Variants in CALR3 observed in about 807,000 individuals in gnomAD.
CALR3 encodes calreticulin-3.
CALR3 carries 39 observed loss-of-function variants against 48.7 expected under a neutral mutation model. The observed-to-expected ratio is 0.80, with a 90% CI of 0.62 to 1.05. CALR3 has a LOEUF of 1.05. CALR3 is among the 50% of genes least tolerant of loss of function. The pLI, the probability that CALR3 is intolerant of heterozygous loss-of-function variation, is 0.00. For synonymous variants in CALR3, 185 were observed against 172.7 expected, an observed-to-expected ratio of 1.07 and a Z score of -0.56; for missense variants, 449 against 474.7, an observed-to-expected ratio of 0.95 and a Z score of 0.50.
chr19:16,489,607 G>A (rs1236509481), intron 3 of CALR3, among the ~76,000 whole-genome samples: 6 of 126,976 alleles, frequency 4.7e-5, no homozygotes, highest in African/African-American at 1.5e-4. Flanking sequence ...CAACAAGAGC[G>A]AAACTCTGTC....
Position 16,485,225 on chromosome 19 carries a change from C to A in CALR3, c.430G>T (p.Val144Phe), listed in dbSNP as rs1271240341. The change falls in exon 4 of 9, where the codon GTT becomes TTT. Residue 144 changes from valine to phenylalanine, a missense_variant. Physicochemically the swap from Val to Phe is conservative, Grantham distance 50. Transcript: ENST00000269881. ...TTCTTGAAATGTAAAATAACATGAA[C>A]TTTCTTGATATCAAATCCACAAATA... The part of the protein sequence containing the change: ...PDICGFDIKK[V>F]HVILHFKNKY... The A allele has an allele frequency of 6.2e-7, 1 of 1,610,144 alleles. No homozygotes were observed. The highest frequency in any genetic ancestry group is 8.5e-7 in the Non-Finnish European group (1 of 1,176,656).
At chr19:16,483,275 C>T (rs2093383859) in intron 5 of CALR3, among the ~76,000 whole-genome samples, 2 of 152,136 alleles carry the variant, frequency 1.3e-5, no homozygotes, top group South Asian at 4.1e-4. Context: ...TGCTTCCAAT[C>T]CCACTGAGGA....
chr19:16,479,980 A>G (rs189913822), intron 8 of CALR3, among the ~76,000 whole-genome samples: 309 of 148,666 alleles, frequency 2.1e-3, no homozygotes, highest in Non-Finnish European at 3.6e-3. Flanking sequence ...CGAGGCAGGC[A>G]GATCATGAGG....
rs1247489343 is a variant in CALR3 at position 16,482,535 on chromosome 19, C to T, written c.833G>A (p.Arg278His). The change falls in exon 7 of 9, where the codon CGT (arginine) becomes CAT (histidine). Residue 278 changes from arginine to histidine, a missense_variant. Arg to His is a conservative substitution (Grantham distance 29). Coordinates refer to ENST00000269881, the MANE Select transcript of CALR3 (RefSeq NM_145046.5). ...EGIHKDVWLH[R>H]KMKNTDYLTQ... ...CAAATAGTCGGTATTCTTCATCTTA[C>T]GGTGGAGCCAGACGTCTTTATGAAT... The T allele has an allele frequency of 2.0e-5, 32 of 1,614,086 alleles. No homozygotes were observed. The highest frequency in any genetic ancestry group is 1.6e-4 in the Middle Eastern group (1 of 6,084).
intron 3 of CALR3, among the ~76,000 whole-genome samples, chr19:16,486,610 A>G (rs1041004824): frequency 5.4e-5 from 6 of 110,598 alleles, no homozygotes; most frequent in Admixed American, 4.3e-4. Flanking sequence ...ACAGAGCAAG[A>G]TTCTATCTCA....
chr19:16,484,080 T>C lies in CALR3; in HGVS notation c.528A>G (p.Leu176=). Residue 176 remains leucine (L), a synonymous_variant, in exon 5 of 9, where the codon TTA becomes TTG. Transcript: ENST00000269881. ...DGFTHLYTLI[L]RPDLSYDVKI... ...TCACATCATAAGAAAGATCTGGTCT[T>C]AAAATTAGAGTGTACAGGTGTGTGA... The C allele has an allele frequency of 6.2e-7, 1 of 1,614,130 alleles. No individual in the cohort carries two copies. Among genetic ancestry groups the C allele is most frequent in the South Asian group, 1.1e-5 (1 of 91,084 alleles).
At chr19:16,491,877 C>G (rs2093398717) in intron 2 of CALR3, among the ~76,000 whole-genome samples, 3 of 151,618 alleles carry the variant, frequency 2.0e-5, no homozygotes, top group South Asian at 4.2e-4. Context: ...GAGGCTCGCT[C>G]TATTGCCCAG....
intron 7 of CALR3, among the ~76,000 whole-genome samples, chr19:16,481,722 C>T (rs962881724): frequency 5.9e-5 from 9 of 151,864 alleles, no homozygotes; most frequent in African/African-American, 1.7e-4. Flanking sequence ...TGCTCTCAAA[C>T]GCCTGAGCTC....
intron 3 of CALR3, among the ~76,000 whole-genome samples, chr19:16,487,201 A>G (rs1438172490): frequency 1.3e-5 from 2 of 151,868 alleles, no homozygotes; most frequent in Admixed American, 1.3e-4. Flanking sequence ...AGATGGGGCC[A>G]GGCGTGGTGG....
chr19:16,485,395 C>T lies in CALR3; in HGVS notation c.398-138G>A, dbSNP rs148556492. Reference sequence around the variant, plus strand: ...GCTGGAGTGCAGTGATCTTGGCTCACGGAAACTTCTGCCTCTTGGGTTCAA... The same window carrying T: ...GCTGGAGTGCAGTGATCTTGGCTCATGGAAACTTCTGCCTCTTGGGTTCAA... On this transcript the variant is annotated intron_variant, in intron 3 of 8. Coordinates refer to ENST00000269881, the MANE Select transcript of CALR3 (RefSeq NM_145046.5). 3.1e-3 allele frequency: 1,981 copies of T among 639,018 alleles called. 6 individuals are homozygous for T. Among genetic ancestry groups the T allele is most frequent in the Middle Eastern group, 4.7e-3 (11 of 2,318 alleles). The allele number at this position is 639,018 out of a possible 1,614,324, so 39.6% of individuals were successfully genotyped here.
At chr19:16,479,312 G>A (rs2093376718) in intron 8 of CALR3, 38 bp from the exon 9 acceptor site, 3 of 1,612,160 alleles carry the variant, frequency 1.9e-6, no homozygotes, top group Non-Finnish European at 1.7e-6. Flanking sequence ...CCCACCGGGT[G>A]CGATGGCTCG....
rs774421614 is a variant in CALR3 at position 16,479,176 on chromosome 19, C to T, written c.1110G>A (p.Arg370=). Residue 370 remains arginine, a synonymous_variant, in exon 9 of 9, where the codon AGG becomes AGA. Coordinates refer to ENST00000269881, the MANE Select transcript of CALR3 (RefSeq NM_145046.5). ...EEELLSGKIN[R]HEHYFNQFHR... ...GAAATTGATTGAAGTAATGTTCGTG[C>T]CTGTTAATTTTTCCCGACAGCAGCT... The T allele has an allele frequency of 3.3e-5, 54 of 1,613,960 alleles. No individual in the cohort carries two copies. The Admixed American group carries it at 4.8e-4, about 14-fold the overall frequency.
At chr19:16,482,394 A>G in intron 7 of CALR3, 56 bp downstream of exon 7, 1 of 1,611,058 alleles carries the variant, frequency 6.2e-7, no homozygotes, top group Non-Finnish European at 8.5e-7. Flanking sequence ...AACAAAACAA[A>G]ACAAAACAAA....
intron 3 of CALR3, among the ~76,000 whole-genome samples, chr19:16,488,377 C>A (rs2093392411): frequency 6.6e-6 from 1 of 152,164 alleles, no homozygotes; most frequent in Non-Finnish European, 1.5e-5. Flanking sequence ...AGCCACTGTG[C>A]CCAGCTGAGG....
chr19:16,487,634 C>A (rs1421952584), intron 3 of CALR3, among the ~76,000 whole-genome samples: 1 of 151,310 alleles, frequency 6.6e-6, no homozygotes, highest in Admixed American at 6.6e-5. Context: ...TATTTTGTAT[C>A]ATTTATTTAT....
chr19:16,482,338 C>T, intron 7 of CALR3, 112 bp downstream of exon 7: 1 of 1,454,588 alleles, frequency 6.9e-7, no homozygotes. Context: ...AGGATGGTGC[C>T]ACTGCACTCC....
chr19:16,484,112 C>T lies in CALR3; in HGVS notation c.496G>A (p.Asp166Asn). 1 of 1,610,470 alleles carries T rather than the reference C, an allele frequency of 6.2e-7. No individual in the cohort carries two copies. Among genetic ancestry groups the T allele is most frequent in the Non-Finnish European group, 8.5e-7 (1 of 1,178,064 alleles). Reference protein sequence around the residue: ...ENKKLIRCKVDGFTHLYTLIL... With the variant: ...ENKKLIRCKVNGFTHLYTLIL... Reference sequence around the variant, plus strand: ...AGAGTGTACAGGTGTGTGAAGCCATCAACCTGCATATTTTAGGGGGAAAAG... The same window carrying T: ...AGAGTGTACAGGTGTGTGAAGCCATTAACCTGCATATTTTAGGGGGAAAAG... The change falls in exon 5 of 9, where the codon GAT becomes AAT. Residue 166 changes from aspartate to asparagine, a missense_variant. Coordinates refer to ENST00000269881, the MANE Select transcript of CALR3 (RefSeq NM_145046.5).
intron 5 of CALR3, among the ~76,000 whole-genome samples, chr19:16,483,574 C>T (rs1777158443): frequency 6.6e-6 from 1 of 151,636 alleles, no homozygotes; most frequent in African/African-American, 2.4e-5. Context: ...AAAAATTAGC[C>T]AGGGATGGTG....
intron 3 of CALR3, among the ~76,000 whole-genome samples, chr19:16,489,717 G>A (rs2093394847): frequency 6.6e-6 from 1 of 152,008 alleles, no homozygotes; most frequent in African/African-American, 2.4e-5. Context: ...GCTGAGATAG[G>A]AGAATCACTT....
Sources: gnomAD v4.1 joint callset for allele counts (sites outside exome capture counted in the v4.1 genomes callset) on GRCh38, gnomAD v4.1.1 for gene constraint, MANE v1.5 for transcripts, NCBI Gene and HGNC (gene_info 2026-07-23, HGNC 2026-07-21) for gene names.